The following SOX1 variants were observed in gnomAD, a reference collection of about 807,000 sequenced individuals.
SOX1 encodes SRY-box transcription factor 1.
Under a neutral mutation model 0.9 loss-of-function variants are expected in SOX1, and 1 was observed. The observed-to-expected ratio is 1.07, with a 90% CI of 0.38 to 5.06. SOX1 has a LOEUF of 5.06. Ranked by LOEUF, SOX1 falls within the 30% of genes most tolerant of loss-of-function variation. The probability of loss-of-function intolerance (pLI) is 0.16; values close to 1 mark genes in which losing one functional copy is unlikely to be tolerated. For synonymous variants in SOX1, 397 were observed against 265.5 expected (o/e 1.50, Z -4.81); for missense variants, 564 against 534.4 (o/e 1.06, Z -0.55).
At position 112,069,315 on chromosome 13, in the gene SOX1, T is replaced by C. The variant is rs915739301; in HGVS notation, c.*481T>C. ...GGCAGGTCCAAGCACTTACAAGTTT[T>C]TTGTAGTTGTTACCGCTCTTTTGGG... is the stretch of plus-strand genomic sequence containing the variant. On this transcript the variant is annotated 3_prime_UTR_variant, in exon 1 of 1. Transcript: ENST00000330949. The C allele has an allele frequency of 3.0e-5, 5 of 167,138 alleles. No homozygotes were observed. The highest frequency in any genetic ancestry group is 1.2e-4 in the African/African-American group (5 of 41,476). 10.4% of individuals were successfully genotyped at this position (167,138 alleles called of 1,614,324 possible). A position where few individuals can be genotyped will look rare whatever the true frequency, so the allele number is the denominator to read the frequency against.
chr13:112,068,036 C>A lies in SOX1; in HGVS notation c.378C>A (p.Thr126=). The change falls in exon 1 of 1, where the codon ACC becomes ACA. Residue 126 remains threonine (T), a synonymous_variant. Transcript: ENST00000330949. This position sits in a 1 kb window ranked among gnomAD's most constrained non-coding sequence, Gnocchi z 6.9. ...PDYKYRPRRK[T]KTLLKKDKYS... is the part of the protein sequence containing the mutation. The stretch of plus-strand genomic sequence containing the variant: ...ACAAGTACCGGCCGCGCCGCAAGAC[C>A]AAGACGCTGCTCAAGAAGGACAAGT... 1 of 1,603,484 alleles carries A rather than the reference C, an allele frequency of 6.2e-7. No individual in the cohort carries two copies. The highest frequency in any genetic ancestry group is 1.1e-5 in the South Asian group (1 of 90,248).
At position 112,068,133 on chromosome 13, in the gene SOX1, G is replaced by T. The variant is rs1307824177; in HGVS notation, c.475G>T (p.Val159Leu). Reference protein sequence around the residue: ...GGAAVAMGVGVGVGAAAVGQR... With the variant: ...GGAAVAMGVGLGVGAAAVGQR... ...CGCGGCTGTGGCCATGGGCGTGGGC[G>T]TGGGCGTGGGCGCGGCGGCCGTGGG... Residue 159 changes from valine to leucine, a missense_variant, in exon 1 of 1, where the codon GTG (valine) becomes TTG (leucine). By Grantham distance (32) the Val-to-Leu change is conservative. Transcript: ENST00000330949. This position sits in a 1 kb window ranked among gnomAD's most constrained non-coding sequence, Gnocchi z 6.9. 1.8e-6 allele frequency: 2 copies of T among 1,114,644 alleles called. No individual in the cohort carries two copies. 69.0% of individuals were successfully genotyped at this position (1,114,644 alleles called of 1,614,324 possible).
rs1275340955 is a variant in SOX1 at position 112,067,532 on chromosome 13, T to G, written c.-127T>G. On this transcript the variant is annotated 5_prime_UTR_variant, in exon 1 of 1. Coordinates refer to ENST00000330949, the MANE Select transcript of SOX1 (RefSeq NM_005986.3). The surrounding 1 kb of genome is among the most constrained non-coding windows in gnomAD (Gnocchi z 5.1). Reference sequence around the variant, plus strand: ...CGTTGCCTCCACCCCTCCCCATTCTTCTCTCCGCTAGGACCCCCCCGCCCC... The same window carrying G: ...CGTTGCCTCCACCCCTCCCCATTCTGCTCTCCGCTAGGACCCCCCCGCCCC... 5.1e-6 allele frequency: 2 copies of G among 389,502 alleles called. No homozygotes were observed. Among genetic ancestry groups the G allele is most frequent in the Non-Finnish European group, 3.8e-6 (1 of 265,164 alleles). The allele number at this position is 389,502 out of a possible 1,614,324, so 24.1% of individuals were successfully genotyped here.
chr13:112,071,469 G>A lies in SOX1; in HGVS notation c.*2635G>A, dbSNP rs577130153. On this transcript the variant is annotated 3_prime_UTR_variant, in exon 1 of 1. Coordinates refer to ENST00000330949, the MANE Select transcript of SOX1 (RefSeq NM_005986.3). ...ACTCCATTTAAAAATATCACAGGGT[G>A]GGGGCAAGGAAATTAGCTGAGATTC... Among the ~76,000 whole-genome samples the A allele has an allele frequency of 1.3e-5, 2 of 152,266 alleles. No homozygotes were observed. The highest frequency in any genetic ancestry group is 1.3e-4 in the Admixed American group (2 of 15,296).
rs774904033 is a variant in SOX1, at chr13:112,068,040, A to T, written c.382A>T (p.Thr128Ser). 2 of 1,601,108 alleles carry T rather than the reference A, an allele frequency of 1.2e-6. No individual in the cohort carries two copies. Among genetic ancestry groups the T allele is most frequent in the South Asian group, 2.2e-5 (2 of 90,158 alleles). ...YKYRPRRKTKTLLKKDKYSLA... is the reference protein window; with the variant it reads ...YKYRPRRKTKSLLKKDKYSLA... The stretch of plus-strand genomic sequence containing the variant: ...GTACCGGCCGCGCCGCAAGACCAAG[A>T]CGCTGCTCAAGAAGGACAAGTACTC... The change falls in exon 1 of 1, where the codon ACG (threonine) becomes TCG (serine). Residue 128 changes from threonine to serine, a missense_variant. Physicochemically the swap from Thr to Ser is moderately conservative, Grantham distance 58. Coordinates refer to ENST00000330949, the MANE Select transcript of SOX1 (RefSeq NM_005986.3). This position sits in a 1 kb window ranked among gnomAD's most constrained non-coding sequence, Gnocchi z 6.9.
Position 112,067,911 on chromosome 13 carries a change from C to G in SOX1, c.253C>G (p.Leu85Val). 6.2e-7 allele frequency: 1 copy of G among 1,608,018 alleles called. No homozygotes were observed. Among genetic ancestry groups the G allele is most frequent in the Non-Finnish European group, 8.5e-7 (1 of 1,176,912 alleles). Residue 85 changes from leucine (L) to valine (V), a missense_variant, in exon 1 of 1, where the codon CTG becomes GTG. Physicochemically the swap from Leu to Val is conservative, Grantham distance 32. Transcript: ENST00000330949. This position sits in a 1 kb window ranked among gnomAD's most constrained non-coding sequence, Gnocchi z 5.1. ...GCACAACTCGGAGATCAGCAAGCGC[C>G]TGGGGGCCGAGTGGAAGGTCATGTC... Reference protein sequence around the residue: ...KMHNSEISKRLGAEWKVMSEA... With the variant: ...KMHNSEISKRVGAEWKVMSEA...
Position 112,068,633 on chromosome 13 carries a change from C to G in SOX1, c.975C>G (p.Ser325Arg). 8.7e-7 allele frequency: 1 copy of G among 1,152,620 alleles called. No homozygotes were observed. Among genetic ancestry groups the G allele is most frequent in the Non-Finnish European group, 1.1e-6 (1 of 937,578 alleles). The allele number at this position is 1,152,620 out of a possible 1,614,324, so 71.4% of individuals were successfully genotyped here. Reference sequence around the variant, plus strand: ...TGGTGAAGTCGGAGCCCAGCGGCAGCCCGCCCGCCCCAGCGCACTCGCGGG... The same window carrying G: ...TGGTGAAGTCGGAGCCCAGCGGCAGGCCGCCCGCCCCAGCGCACTCGCGGG... ...GSLVKSEPSG[S>R]PPAPAHSRAP... is the part of the protein sequence containing the mutation. Residue 325 changes from serine to arginine, a missense_variant, in exon 1 of 1, where the codon AGC (serine) becomes AGG (arginine). Coordinates refer to ENST00000330949, the MANE Select transcript of SOX1 (RefSeq NM_005986.3). The surrounding 1 kb of genome is among the most constrained non-coding windows in gnomAD (Gnocchi z 6.9).
Position 112,068,108 on chromosome 13 carries a change from C to A in SOX1, c.450C>A (p.Gly150=). The change falls in exon 1 of 1, where the codon GGC becomes GGA. Residue 150 remains glycine, a synonymous_variant. Transcript: ENST00000330949. This position sits in a 1 kb window ranked among gnomAD's most constrained non-coding sequence, Gnocchi z 6.9. ...GLLAAGAGGG[G]AAVAMGVGVG... is the part of the protein sequence containing the mutation. ...TGGCGGCCGGCGCGGGTGGCGGCGG[C>A]GCGGCTGTGGCCATGGGCGTGGGCG... is the stretch of plus-strand genomic sequence containing the variant. 1 of 1,473,304 alleles carries A rather than the reference C, an allele frequency of 6.8e-7. No individual in the cohort carries two copies. Among genetic ancestry groups the A allele is most frequent in the East Asian group, 2.8e-5 (1 of 35,794 alleles). 91.3% of individuals were successfully genotyped at this position (1,473,304 alleles called of 1,614,324 possible).
chr13:112,067,427 T>G lies in SOX1; in HGVS notation c.-232T>G, dbSNP rs1442743532. ...CCCGACCGTCGGCCTCTTTGGCAAG[T>G]GGTTTGTGCATCAGGAGAAACTTTC... On this transcript the variant is annotated 5_prime_UTR_variant, in exon 1 of 1. Transcript: ENST00000330949. This position sits in a 1 kb window ranked among gnomAD's most constrained non-coding sequence, Gnocchi z 5.1. Among the ~76,000 whole-genome samples, 1 of 152,048 alleles carries G rather than the reference T, an allele frequency of 6.6e-6. No individual in the cohort carries two copies. The highest frequency in any genetic ancestry group is 2.0e-4 in the East Asian group (1 of 5,124).
chr13:112,069,215 C>T lies in SOX1; in HGVS notation c.*381C>T, dbSNP rs1880819735. 5.9e-6 allele frequency: 1 copy of T among 168,356 alleles called. No individual in the cohort carries two copies. 10.4% of individuals were successfully genotyped at this position (168,356 alleles called of 1,614,324 possible). A position where few individuals can be genotyped will look rare whatever the true frequency, so the allele number is the denominator to read the frequency against. ...CGGCCGGCGCGCTCACTTTCCTCCG[C>T]GTTGCTTCCGGACGGCGCCGACCGC... On this transcript the variant is annotated 3_prime_UTR_variant, in exon 1 of 1. Transcript: ENST00000330949.
In SOX1 at chr13:112,068,406, G is replaced by A; in HGVS notation, c.748G>A (p.Asp250Asn). 1 of 1,303,484 alleles carries A rather than the reference G, an allele frequency of 7.7e-7. No homozygotes were observed. Among genetic ancestry groups the A allele is most frequent in the Non-Finnish European group, 9.9e-7 (1 of 1,006,812 alleles). 80.7% of individuals were successfully genotyped at this position (1,303,484 alleles called of 1,614,324 possible). Residue 250 changes from aspartate to asparagine, a missense_variant, in exon 1 of 1, where the codon GAC (aspartate) becomes AAC (asparagine). Asp to Asn is a conservative substitution (Grantham distance 23). Transcript: ENST00000330949. This position sits in a 1 kb window ranked among gnomAD's most constrained non-coding sequence, Gnocchi z 6.9. ...CAACCCGCAGCCCATGCACCGCTACGACATGGGCGCGCTGCAGTACAGCCC... is the reference window on the plus strand; with the variant it reads ...CAACCCGCAGCCCATGCACCGCTACAACATGGGCGCGCTGCAGTACAGCCC... ...PHNPQPMHRY[D>N]MGALQYSPIS...
At position 112,068,743 on chromosome 13, in the gene SOX1, C is replaced by T. The variant is rs1880804131; in HGVS notation, c.1085C>T (p.Ala362Val). The T allele has an allele frequency of 2.8e-5, 34 of 1,194,882 alleles. 2 individuals carry two copies. The South Asian group carries it at 8.2e-4, about 29-fold the overall frequency. The allele number at this position is 1,194,882 out of a possible 1,614,324, so 74.0% of individuals were successfully genotyped here. Residue 362 changes from alanine (A) to valine (V), a missense_variant, in exon 1 of 1, where the codon GCC becomes GTC. Transcript: ENST00000330949. This position sits in a 1 kb window ranked among gnomAD's most constrained non-coding sequence, Gnocchi z 6.9. ...GGCGACCCGGCGGCGGCAGCAGCGG[C>T]CGCGGCGCAGAGCCGGCTGCACTCG... ...EGGDPAAAAA[A>V]AAQSRLHSLP...
In SOX1 at chr13:112,067,215, T is replaced by C. The variant is rs1880738436; in HGVS notation, c.-444T>C. On this transcript the variant is annotated 5_prime_UTR_variant, in exon 1 of 1. Transcript: ENST00000330949. The surrounding 1 kb of genome is among the most constrained non-coding windows in gnomAD (Gnocchi z 5.1). ...TTGCAGCCTCCGAGTTGGAGGCCGC[T>C]GAGGACCGAGCGCAGGAGGAAGGAG... is the stretch of plus-strand genomic sequence containing the variant. 6.6e-6 allele frequency among the ~76,000 whole-genome samples: 1 copy of C among 151,352 alleles called. No homozygotes were observed. Among genetic ancestry groups the C allele is most frequent in the Non-Finnish European group, 1.5e-5 (1 of 67,838 alleles).
chr13:112,068,150 G>C lies in SOX1; in HGVS notation c.492G>C (p.Ala164=). 2 of 1,022,820 alleles carry C rather than the reference G, an allele frequency of 2.0e-6. No homozygotes were observed. Among genetic ancestry groups the C allele is most frequent in the African/African-American group, 1.7e-5 (1 of 57,264 alleles). 63.4% of individuals were successfully genotyped at this position (1,022,820 alleles called of 1,614,324 possible). A position where few individuals can be genotyped will look rare whatever the true frequency, so the allele number is the denominator to read the frequency against. Residue 164 remains alanine (A), a synonymous_variant, in exon 1 of 1, where the codon GCG becomes GCC. Transcript: ENST00000330949. This position sits in a 1 kb window ranked among gnomAD's most constrained non-coding sequence, Gnocchi z 6.9. The part of the protein sequence containing the change: ...AMGVGVGVGA[A]AVGQRLESPG... ...GCGTGGGCGTGGGCGTGGGCGCGGC[G>C]GCCGTGGGCCAGCGCCTGGAGAGCC...
At position 112,068,737 on chromosome 13, in the gene SOX1, C is replaced by T. The variant is rs1880803773; in HGVS notation, c.1079C>T (p.Ala360Val). The T allele has an allele frequency of 1.7e-6, 2 of 1,192,730 alleles. No individual in the cohort carries two copies. The highest frequency in any genetic ancestry group is 3.6e-5 in the East Asian group (1 of 27,716). The allele number at this position is 1,192,730 out of a possible 1,614,324, so 73.9% of individuals were successfully genotyped here. ...GAGGGGGGCGACCCGGCGGCGGCAG[C>T]AGCGGCCGCGGCGCAGAGCCGGCTG... is the stretch of plus-strand genomic sequence containing the variant. ...AGEGGDPAAA[A>V]AAAAQSRLHS... is the part of the protein sequence containing the mutation. Residue 360 changes from alanine (A) to valine (V), a missense_variant, in exon 1 of 1, where the codon GCA becomes GTA. By Grantham distance (64) the Ala-to-Val change is moderately conservative (BLOSUM62 0). Transcript: ENST00000330949. The surrounding 1 kb of genome is among the most constrained non-coding windows in gnomAD (Gnocchi z 6.9).
Position 112,067,596 on chromosome 13 carries a change from A to T in SOX1, c.-63A>T. On this transcript the variant is annotated 5_prime_UTR_variant, in exon 1 of 1. Transcript: ENST00000330949. This position sits in a 1 kb window ranked among gnomAD's most constrained non-coding sequence, Gnocchi z 5.1. The stretch of plus-strand genomic sequence containing the variant: ...CTGAATTCCTCTCCGTCTCCCTCCC[A>T]CCCCGGCCGTCTATGCTCCAGGCCC... The T allele has an allele frequency of 1.0e-6, 1 of 955,374 alleles. No individual in the cohort carries two copies. Among genetic ancestry groups the T allele is most frequent in the Non-Finnish European group, 1.3e-6 (1 of 766,350 alleles). The allele number at this position is 955,374 out of a possible 1,614,324, so 59.2% of individuals were successfully genotyped here.
Position 112,067,701 on chromosome 13 carries a change from G to T in SOX1, c.43G>T (p.Gly15Cys). The change falls in exon 1 of 1, where the codon GGC becomes TGC. Residue 15 changes from glycine to cysteine, a missense_variant. Coordinates refer to ENST00000330949, the MANE Select transcript of SOX1 (RefSeq NM_005986.3). The surrounding 1 kb of genome is among the most constrained non-coding windows in gnomAD (Gnocchi z 5.1). ...MMETDLHSPG[G>C]AQAPTNLSGP... The stretch of plus-strand genomic sequence containing the variant: ...GGAGACCGACCTGCACTCGCCCGGC[G>T]GCGCCCAGGCCCCCACGAACCTCTC... 1 of 1,278,638 alleles carries T rather than the reference G, an allele frequency of 7.8e-7. No homozygotes were observed. Among genetic ancestry groups the T allele is most frequent in the Non-Finnish European group, 1.0e-6 (1 of 1,003,468 alleles). 79.2% of individuals were successfully genotyped at this position (1,278,638 alleles called of 1,614,324 possible).
chr13:112,068,776 A>C lies in SOX1; in HGVS notation c.1118A>C (p.Gln373Pro). The C allele has an allele frequency of 1.6e-6, 2 of 1,216,742 alleles. No individual in the cohort carries two copies. The highest frequency in any genetic ancestry group is 1.0e-6 in the Non-Finnish European group (1 of 978,744). The allele number at this position is 1,216,742 out of a possible 1,614,324, so 75.4% of individuals were successfully genotyped here. The stretch of plus-strand genomic sequence containing the variant: ...CAGAGCCGGCTGCACTCGCTGCCGC[A>C]GCACTACCAGGGCGCGGGCGCGGGC... The part of the protein sequence containing the change: ...AAQSRLHSLP[Q>P]HYQGAGAGVN... The change falls in exon 1 of 1, where the codon CAG (glutamine) becomes CCG (proline). Residue 373 changes from glutamine (Q) to proline (P), a missense_variant. Gln to Pro is a moderately conservative substitution (Grantham distance 76, BLOSUM62 -1). Coordinates refer to ENST00000330949, the MANE Select transcript of SOX1 (RefSeq NM_005986.3). The surrounding 1 kb of genome is among the most constrained non-coding windows in gnomAD (Gnocchi z 6.9).
In SOX1 at chr13:112,070,026, G is replaced by C. The variant is rs1880846239; in HGVS notation, c.*1192G>C. 6.0e-6 allele frequency: 1 copy of C among 167,062 alleles called. No homozygotes were observed. The highest frequency in any genetic ancestry group is 2.4e-5 in the African/African-American group (1 of 41,428). The allele number at this position is 167,062 out of a possible 1,614,324, so 10.3% of individuals were successfully genotyped here. A position where few individuals can be genotyped will look rare whatever the true frequency, so the allele number is the denominator to read the frequency against. On this transcript the variant is annotated 3_prime_UTR_variant, in exon 1 of 1. Transcript: ENST00000330949. ...GTGGTGGGACCCTGGACCAGGCCAT[G>C]GATGAAGGACAAAGACCAGGGCAGG...
Sources: allele counts gnomAD v4.1 joint callset (sites outside exome capture counted in the v4.1 genomes callset), GRCh38; gene constraint gnomAD v4.1.1; non-coding constraint Gnocchi (gnomAD v3.1); transcripts MANE v1.5; gene names NCBI Gene and HGNC (gene_info 2026-07-23, HGNC 2026-07-21).